Variants in MBD5 observed in about 807,000 individuals in gnomAD.
MBD5 encodes the protein methyl-CpG-binding domain protein 5.
Under a neutral mutation model 117.3 loss-of-function variants are expected in MBD5, and 13 were observed. The ratio of observed to expected loss-of-function variants is 0.11; its 90% CI spans 0.07 to 0.18. MBD5 has a LOEUF of 0.18. Among genes scored for constraint, MBD5 ranks in the 10% least tolerant of loss-of-function variants. The pLI is 1.00. For synonymous variants in MBD5, 727 were observed against 766.4 expected (o/e 0.95, Z 0.85); for missense variants, 1,879 against 2,093.8 (o/e 0.90, Z 2.00).
chr2:148,417,294 T>TC (rs1705451817), intron 4 of MBD5, among the ~76,000 whole-genome samples: 1 of 147,432 alleles, frequency 6.8e-6, no homozygotes, highest in Non-Finnish European at 1.5e-5. Flanking sequence ...AGCTCTTTTT[T>TC]TTTTTTTTTT....
intron 4 of MBD5, among the ~76,000 whole-genome samples, chr2:148,383,024 C>G (rs553630352): frequency 0.032 from 4,766 of 151,026 alleles, 114 homozygotes; most frequent in Admixed American, 0.051. Flanking sequence ...AAATTGACAC[C>G]CTAACATCAC....
At chr2:148,390,311 T>G (rs866870290) in intron 4 of MBD5, among the ~76,000 whole-genome samples, 33 of 152,046 alleles carry the variant, frequency 2.2e-4, no homozygotes, top group Non-Finnish European at 1.0e-4. Context: ...CATGCTGTTT[T>G]GATTATTACA....
chr2:148,173,801 A>G (rs1698319896), intron 1 of MBD5, among the ~76,000 whole-genome samples: 1 of 152,186 alleles, frequency 6.6e-6, no homozygotes, highest in Non-Finnish European at 1.5e-5. Context: ...GACACAAATA[A>G]ATGGAAAGAT....
chr2:148,314,256 T>C (rs1702102641), intron 3 of MBD5, among the ~76,000 whole-genome samples: 2 of 151,996 alleles, frequency 1.3e-5, no homozygotes, highest in African/African-American at 4.8e-5. Context: ...TAGTTTTTCA[T>C]GTGGCAAAAG....
At chr2:148,344,436 T>C (rs1319790117) in intron 4 of MBD5, among the ~76,000 whole-genome samples, 1 of 152,094 alleles carries the variant, frequency 6.6e-6, no homozygotes, top group East Asian at 1.9e-4. Context: ...TATCGATTCT[T>C]CCAATCCATG....
rs943357753 is a variant in MBD5, at chr2:148,458,673, C to G, written c.-86C>G. ...CTGGGAAAAACTGTGCTGCACTGGC[C>G]CACTTTTGAAGGCCATCATGCTCTG... On this transcript the variant is annotated 5_prime_UTR_variant, in exon 5 of 14. Transcript: ENST00000642680. 4 of 1,189,670 alleles carry G rather than the reference C, an allele frequency of 3.4e-6. No individual in the cohort carries two copies. Among genetic ancestry groups the G allele is most frequent in the Non-Finnish European group, 5.0e-6 (4 of 796,988 alleles). The allele number at this position is 1,189,670 out of a possible 1,614,324, so 73.7% of individuals were successfully genotyped here.
At chr2:148,303,188 C>G (rs917714925) in intron 3 of MBD5, among the ~76,000 whole-genome samples, 7 of 152,072 alleles carry the variant, frequency 4.6e-5, no homozygotes, top group African/African-American at 1.7e-4. Flanking sequence ...AAAAGGCATT[C>G]AGTAGTAAAT....
chr2:148,446,415 A>G (rs1208843105), intron 4 of MBD5, among the ~76,000 whole-genome samples: 2 of 152,092 alleles, frequency 1.3e-5, no homozygotes, highest in Non-Finnish European at 2.9e-5. Flanking sequence ...ACAAACAAAC[A>G]AACAGAACAA....
At chr2:148,099,760 T>C (rs1696157852) in intron 1 of MBD5, among the ~76,000 whole-genome samples, 1 of 152,198 alleles carries the variant, frequency 6.6e-6, no homozygotes, top group Non-Finnish European at 1.5e-5. Context: ...TAACTCCAGT[T>C]TATCTTTGTT....
chr2:148,165,636 C>G (rs1324083127), intron 1 of MBD5, among the ~76,000 whole-genome samples: 2 of 152,044 alleles, frequency 1.3e-5, no homozygotes, highest in Non-Finnish European at 2.9e-5. Flanking sequence ...TTGCAGTCTT[C>G]TGTGCCAATT....
chr2:148,087,042 T>C (rs193301917), intron 1 of MBD5, among the ~76,000 whole-genome samples: 1 of 152,096 alleles, frequency 6.6e-6, no homozygotes, highest in Non-Finnish European at 1.5e-5. Flanking sequence ...AGATGACAGA[T>C]AGGAGACAGG....
At chr2:148,368,049 C>T (rs2105347722) in intron 4 of MBD5, among the ~76,000 whole-genome samples, 1 of 152,282 alleles carries the variant, frequency 6.6e-6, no homozygotes, top group South Asian at 2.1e-4. Flanking sequence ...CAGCATTATT[C>T]ACAATGGCAA....
intron 1 of MBD5, among the ~76,000 whole-genome samples, chr2:148,132,739 T>C (rs1697079718): frequency 6.6e-6 from 1 of 152,184 alleles, no homozygotes; most frequent in Admixed American, 6.5e-5. Context: ...GGTAGGCTGG[T>C]AAATTTTTAA....
chr2:148,302,918 AC>A (rs1420977893), intron 3 of MBD5, among the ~76,000 whole-genome samples: 2 of 150,766 alleles, frequency 1.3e-5, no homozygotes, highest in African/African-American at 4.8e-5. Flanking sequence ...AAAATGATAT[AC>A]CACACTAAAG....
At chr2:148,261,328 C>T (rs1427440380) in intron 3 of MBD5, among the ~76,000 whole-genome samples, 2 of 152,236 alleles carry the variant, frequency 1.3e-5, no homozygotes, top group Non-Finnish European at 2.9e-5. Context: ...GTTTCAACTA[C>T]ACTGAAAATC....
chr2:148,472,067 G>A (rs1020178111), intron 8 of MBD5: 3 of 152,074 alleles, frequency 2.0e-5, no homozygotes, highest in Admixed American at 6.6e-5. Context: ...CTGAGTTCAT[G>A]TGCAAAGTGT....
chr2:148,154,572 T>G (rs908485172), intron 1 of MBD5, among the ~76,000 whole-genome samples: 2 of 152,172 alleles, frequency 1.3e-5, no homozygotes, highest in Non-Finnish European at 2.9e-5. Context: ...TGCTGTGCTA[T>G]CAATCAGCGA....
chr2:148,456,928 T>C (rs1028330077), intron 4 of MBD5, among the ~76,000 whole-genome samples: 9 of 152,116 alleles, frequency 5.9e-5, no homozygotes, highest in African/African-American at 2.2e-4. Flanking sequence ...TCTCCTGCTT[T>C]CCTAATGAGA....
intron 1 of MBD5, chr2:148,068,560 TCA>T (rs1197858528): frequency 6.6e-6 from 1 of 152,250 alleles, no homozygotes; most frequent in Non-Finnish European, 1.5e-5. Flanking sequence ...AGAGCTCTTG[TCA>T]CACAGGATTG....
Sources: gnomAD v4.1 joint callset for allele counts (sites outside exome capture counted in the v4.1 genomes callset) on GRCh38, gnomAD v4.1.1 for gene constraint, MANE v1.5 for transcripts, NCBI Gene and HGNC (gene_info 2026-07-23, HGNC 2026-07-21) for gene names.